The following THSD7B variants were observed in gnomAD, a reference collection of about 807,000 sequenced individuals.
THSD7B encodes the protein thrombospondin type-1 domain-containing protein 7B.
A neutral mutation model predicts 213.6 loss-of-function variants in THSD7B; 138 were observed. The ratio of observed to expected loss-of-function variants is 0.65; its 90% CI spans 0.56 to 0.74. The LOEUF (loss-of-function observed/expected upper bound fraction) is 0.74. Among genes scored for constraint, THSD7B ranks in the 30% least tolerant of loss-of-function variants. The pLI is 0.00. For missense variants in THSD7B, 1,931 were observed against 1,991.5 expected (o/e 0.97, Z 0.58); for synonymous variants, 742 against 687.0 (o/e 1.08, Z -1.25).
chr2:137,624,547 T>C (rs1037758254), intron 20 of THSD7B, among the ~76,000 whole-genome samples: 1 of 152,062 alleles, frequency 6.6e-6, no homozygotes, highest in African/African-American at 2.4e-5. Context: ...ACCTACAGAA[T>C]GGGAGAAAAT....
At chr2:136,794,753 G>A (rs1053199889) in intron 1 of THSD7B, among the ~76,000 whole-genome samples, 10 of 151,864 alleles carry the variant, frequency 6.6e-5, no homozygotes, top group Admixed American at 2.0e-4. Flanking sequence ...AAGTATTTTT[G>A]TCTGCCATTC....
intron 2 of THSD7B, among the ~76,000 whole-genome samples, chr2:136,947,814 T>G (rs1684970124): frequency 6.7e-6 from 1 of 150,320 alleles, no homozygotes; most frequent in South Asian, 2.1e-4. Flanking sequence ...GATACATTTT[T>G]CTCTGGTCTC....
rs779145219 is a variant in THSD7B at position 137,242,573 on chromosome 2, G to A, written c.2266+1G>A. On this transcript the variant is annotated splice_donor_variant, in intron 10 of 27. Coordinates refer to ENST00000409968, the MANE Select transcript of THSD7B (RefSeq NM_001316349.2). LOFTEE classifies it high-confidence loss of function. Reference sequence around the variant, plus strand: ...CCCTGCCCAAGGATGTGCCAAGCAGGTAGGTGGATGCTGCGTTCTTAGTTC... The same window carrying A: ...CCCTGCCCAAGGATGTGCCAAGCAGATAGGTGGATGCTGCGTTCTTAGTTC... 1.2e-6 allele frequency: 2 copies of A among 1,606,772 alleles called. No individual in the cohort carries two copies. Among genetic ancestry groups the A allele is most frequent in the Non-Finnish European group, 1.7e-6 (2 of 1,173,542 alleles).
At chr2:136,891,779 T>C (rs1384743691) in intron 2 of THSD7B, among the ~76,000 whole-genome samples, 1 of 152,196 alleles carries the variant, frequency 6.6e-6, no homozygotes, top group Non-Finnish European at 1.5e-5. Flanking sequence ...GTTCCATCCA[T>C]GTTGCAATTC....
At position 137,363,352 on chromosome 2, in the gene THSD7B, CA is replaced by C. The variant is rs560567180; in HGVS notation, c.2501-42257del. Among the ~76,000 whole-genome samples the C allele has an allele frequency of 3.9e-3, 599 of 152,186 alleles. 7 individuals carry two copies. Among genetic ancestry groups the C allele is most frequent in the African/African-American group, 0.014 (567 of 41,502 alleles). On this transcript the variant is annotated intron_variant, in intron 12 of 27. Coordinates refer to ENST00000409968, the MANE Select transcript of THSD7B (RefSeq NM_001316349.2). ...CTAGAGAAGCAAGAGCAAACAAATT[CA>C]AAAGCTAGCAGAAGGCAAGAAATAA...
chr2:136,856,013 G>A (rs1219745463), intron 1 of THSD7B, among the ~76,000 whole-genome samples: 3 of 151,886 alleles, frequency 2.0e-5, no homozygotes, highest in South Asian at 2.1e-4. Flanking sequence ...CACCACCTAC[G>A]TTCATACTCC....
chr2:137,383,280 G>A (rs1685818711), intron 12 of THSD7B, among the ~76,000 whole-genome samples: 1 of 152,104 alleles, frequency 6.6e-6, no homozygotes, highest in African/African-American at 2.4e-5. Context: ...GCAACATTGG[G>A]GTAACATCAC....
At chr2:137,341,436 A>G (rs1246897744) in intron 12 of THSD7B, among the ~76,000 whole-genome samples, 1 of 151,358 alleles carries the variant, frequency 6.6e-6, no homozygotes, top group East Asian at 1.9e-4. Flanking sequence ...GAAGCTTTTT[A>G]GTTTTATGTA....
chr2:137,279,395 G>A (rs1483039274), intron 12 of THSD7B, among the ~76,000 whole-genome samples: 1 of 151,858 alleles, frequency 6.6e-6, no homozygotes, highest in African/African-American at 2.4e-5. Context: ...TTTAAAAAAA[G>A]AGCCAGACAT....
intron 14 of THSD7B, among the ~76,000 whole-genome samples, chr2:137,440,901 A>C (rs1430871078): frequency 6.6e-6 from 1 of 152,126 alleles, no homozygotes; most frequent in Non-Finnish European, 1.5e-5. Flanking sequence ...CCCATGAGAC[A>C]CATAGAGAAA....
At chr2:137,347,237 G>A (rs746607059) in intron 12 of THSD7B, among the ~76,000 whole-genome samples, 2 of 151,580 alleles carry the variant, frequency 1.3e-5, no homozygotes, top group Non-Finnish European at 3.0e-5. Context: ...AGTTGAGACA[G>A]AAGGAAAAAA....
intron 17 of THSD7B, among the ~76,000 whole-genome samples, chr2:137,609,740 T>G (rs746849663): frequency 6.6e-6 from 1 of 152,192 alleles, no homozygotes; most frequent in Non-Finnish European, 1.5e-5. Flanking sequence ...AACTGAGCTA[T>G]TTTAAGAAGA....
intron 12 of THSD7B, among the ~76,000 whole-genome samples, chr2:137,352,308 G>C (rs2104922709): frequency 6.6e-6 from 1 of 151,864 alleles, no homozygotes; most frequent in East Asian, 1.9e-4. Context: ...TTCTGATGGA[G>C]GTTAATGGGC....
At chr2:137,170,023 A>G (rs1680213384) in intron 6 of THSD7B, among the ~76,000 whole-genome samples, 1 of 151,904 alleles carries the variant, frequency 6.6e-6, no homozygotes, top group African/African-American at 2.4e-5. Flanking sequence ...TGGTTGACCC[A>G]TTTGCCTCGA....
At chr2:137,099,200 T>G (rs1017078775) in intron 4 of THSD7B, among the ~76,000 whole-genome samples, 1 of 152,142 alleles carries the variant, frequency 6.6e-6, no homozygotes, top group Non-Finnish European at 1.5e-5. Context: ...TCACTGGGCA[T>G]CATGATCTTG....
chr2:137,107,949 A>G (rs1372702635), intron 4 of THSD7B, among the ~76,000 whole-genome samples: 1 of 152,226 alleles, frequency 6.6e-6, no homozygotes, highest in Non-Finnish European at 1.5e-5. Flanking sequence ...CTGTTCAGCA[A>G]AAAATGACAA....
At chr2:137,234,589 T>A (rs1681723750) in intron 9 of THSD7B, among the ~76,000 whole-genome samples, 1 of 152,188 alleles carries the variant, frequency 6.6e-6, no homozygotes, top group Non-Finnish European at 1.5e-5. Flanking sequence ...ACACTTGACC[T>A]TTCTCTTCTC....
At chr2:136,773,915 C>T (rs1171617443) in intron 1 of THSD7B, among the ~76,000 whole-genome samples, 11 of 151,830 alleles carry the variant, frequency 7.2e-5, no homozygotes, top group African/African-American at 2.4e-4. Context: ...GAAACCACTT[C>T]CATGACTGCT....
At chr2:137,422,065 C>T (rs1397290638) in intron 14 of THSD7B, among the ~76,000 whole-genome samples, 1 of 152,070 alleles carries the variant, frequency 6.6e-6, no homozygotes, top group Non-Finnish European at 1.5e-5. Flanking sequence ...GAAAGAAGTG[C>T]AAGTGAAAAA....
Sources: allele counts gnomAD v4.1 joint callset (sites outside exome capture counted in the v4.1 genomes callset), GRCh38; gene constraint gnomAD v4.1.1; transcripts MANE v1.5; gene names NCBI Gene and HGNC (gene_info 2026-07-23, HGNC 2026-07-21).